Variants in GABRG3 observed in about 807,000 individuals in gnomAD.
GABRG3 encodes gamma-aminobutyric acid type A receptor subunit gamma3, also known as gamma-aminobutyric acid receptor subunit gamma-3.
A neutral mutation model predicts 48.8 loss-of-function variants in GABRG3; 25 were observed. The observed-to-expected ratio is 0.51, with a 90% CI of 0.37 to 0.72. The LOEUF (loss-of-function observed/expected upper bound fraction) is 0.72. Among genes scored for constraint, GABRG3 ranks in the 30% least tolerant of loss-of-function variants. GABRG3 has a pLI of 0.00. For synonymous variants in GABRG3, 227 were observed against 217.6 expected (o/e 1.04, Z -0.38); for missense variants, 394 against 577.9 (o/e 0.68, Z 3.26).
At chr15:27,040,696 G>A (rs918091584) in intron 3 of GABRG3, among the ~76,000 whole-genome samples, 2 of 152,204 alleles carry the variant, frequency 1.3e-5, no homozygotes, top group African/African-American at 4.8e-5. Context: ...AAATGAATTA[G>A]AGTTATCAAA....
intron 3 of GABRG3, among the ~76,000 whole-genome samples, chr15:27,310,926 A>G (rs1215763483): frequency 1.3e-5 from 2 of 152,222 alleles, no homozygotes; most frequent in Non-Finnish European, 2.9e-5. Context: ...TTATGAGAAG[A>G]AAAGAAAACT....
intron 5 of GABRG3, among the ~76,000 whole-genome samples, chr15:27,348,609 G>C (rs929659259): frequency 2.6e-5 from 4 of 152,068 alleles, no homozygotes; most frequent in African/African-American, 7.2e-5. Flanking sequence ...TTTAACCACT[G>C]TACTTTGCCT....
intron 3 of GABRG3, among the ~76,000 whole-genome samples, chr15:27,146,317 T>G (rs1898208634): frequency 6.6e-6 from 1 of 151,884 alleles, no homozygotes; most frequent in Admixed American, 6.6e-5. Context: ...GTTAGCCAGG[T>G]TTGATGGCCG....
intron 3 of GABRG3, among the ~76,000 whole-genome samples, chr15:27,124,765 G>A (rs764799699): frequency 2.1e-4 from 32 of 152,324 alleles, no homozygotes; most frequent in Middle Eastern, 3.4e-3. Context: ...CCAGCTTGTT[G>A]CCTCAGGCAA....
At chr15:27,106,309 T>C (rs902174768) in intron 3 of GABRG3, among the ~76,000 whole-genome samples, 3 of 152,070 alleles carry the variant, frequency 2.0e-5, no homozygotes, top group African/African-American at 4.8e-5. Context: ...CTATGTAAGA[T>C]GATAGATTTG....
chr15:27,306,598 CAT>C lies in GABRG3; in HGVS notation c.271-20208_271-20207del, dbSNP rs200334772. Among the ~76,000 whole-genome samples, 185 of 120,180 alleles carry C rather than the reference CAT, an allele frequency of 1.5e-3. 3 individuals carry two copies. The highest frequency in any genetic ancestry group is 1.8e-3 in the East Asian group (8 of 4,378). 78.8% of individuals were successfully genotyped at this position (120,180 alleles called of 152,430 possible). ...TTTATATATAAACATATAATATAAA[CAT>C]ATGTTTATATATAAACATATATAAT... On this transcript the variant is annotated intron_variant, in intron 3 of 9. Coordinates refer to ENST00000615808, the MANE Select transcript of GABRG3 (RefSeq NM_033223.5).
At chr15:27,363,017 C>G (rs1488465828) in intron 5 of GABRG3, 1 of 152,148 alleles carries the variant, frequency 6.6e-6, no homozygotes, top group African/African-American at 2.4e-5. Context: ...TTTGCAATAA[C>G]TTCAATTTTA....
chr15:27,477,795 CT>C (rs1889985630), intron 5 of GABRG3, among the ~76,000 whole-genome samples: 1 of 152,098 alleles, frequency 6.6e-6, no homozygotes, highest in South Asian at 2.1e-4. Flanking sequence ...AATCCCAGCA[CT>C]TTGGAAGGCC....
rs114261567 is a variant in GABRG3, at chr15:27,148,102, C to T, written c.270+121281C>T. Among the ~76,000 whole-genome samples, 573 of 151,824 alleles carry T rather than the reference C, an allele frequency of 3.8e-3. 2 individuals are homozygous for T. The highest frequency in any genetic ancestry group is 0.013 in the African/African-American group (550 of 41,474). On this transcript the variant is annotated intron_variant, in intron 3 of 9. Transcript: ENST00000615808. ...AGAGAAAAAGAGTAGACGCACATTACTTAATTAGGGAATGAAAGAGGAGAC... is the reference window on the plus strand; with the variant it reads ...AGAGAAAAAGAGTAGACGCACATTATTTAATTAGGGAATGAAAGAGGAGAC...
At chr15:27,439,648 G>A (rs903787750) in intron 5 of GABRG3, among the ~76,000 whole-genome samples, 2 of 152,140 alleles carry the variant, frequency 1.3e-5, no homozygotes, top group African/African-American at 4.8e-5. Context: ...GCAGTCTCTG[G>A]ACCCTCTGCT....
intron 3 of GABRG3, among the ~76,000 whole-genome samples, chr15:27,136,730 C>T (rs1296093010): frequency 1.3e-5 from 2 of 152,098 alleles, no homozygotes; most frequent in Non-Finnish European, 2.9e-5. Flanking sequence ...ACTCCCCATC[C>T]TAGAAAGTAT....
intron 3 of GABRG3, among the ~76,000 whole-genome samples, chr15:27,279,195 T>C (rs1344281841): frequency 2.6e-5 from 4 of 152,224 alleles, no homozygotes; most frequent in Admixed American, 1.3e-4. Flanking sequence ...TGTCAACTAT[T>C]TTCTCTTAGT....
chr15:27,259,411 G>A (rs948282449), intron 3 of GABRG3, among the ~76,000 whole-genome samples: 2 of 152,178 alleles, frequency 1.3e-5, no homozygotes, highest in Non-Finnish European at 2.9e-5. Context: ...TGAGCAGAGC[G>A]GAGGCTTTCT....
intron 5 of GABRG3, among the ~76,000 whole-genome samples, chr15:27,480,077 A>T (rs1279735915): frequency 6.6e-6 from 1 of 152,216 alleles, no homozygotes. Flanking sequence ...GGCAGCAGAA[A>T]CACCAGGCTT....
At chr15:27,306,769 T>TAC (rs1205645755) in intron 3 of GABRG3, among the ~76,000 whole-genome samples, 3 of 111,452 alleles carry the variant, frequency 2.7e-5, no homozygotes, top group Admixed American at 2.1e-4. Context: ...TATATAAACA[T>TAC]ACAATATAAA....
At chr15:27,253,103 G>C (rs780672206) in intron 3 of GABRG3, among the ~76,000 whole-genome samples, 1 of 152,210 alleles carries the variant, frequency 6.6e-6, no homozygotes, top group African/African-American at 2.4e-5. Context: ...ACACGGAACA[G>C]TTCTGGGTGT....
intron 6 of GABRG3, among the ~76,000 whole-genome samples, chr15:27,510,322 T>C (rs1421358251): frequency 2.6e-5 from 3 of 115,798 alleles, no homozygotes; most frequent in African/African-American, 7.8e-5. Flanking sequence ...GCAGATGTAA[T>C]GATGTTGGGC....
In GABRG3 at chr15:27,033,067, C is replaced by T. The variant is rs570468327; in HGVS notation, c.270+6246C>T. Reference sequence around the variant, plus strand: ...TGTACAACTTAGTCAGTAAATGTGTCGAGGAGATAACCAGTATTGGTTGGC... The same window carrying T: ...TGTACAACTTAGTCAGTAAATGTGTTGAGGAGATAACCAGTATTGGTTGGC... On this transcript the variant is annotated intron_variant, in intron 3 of 9. Coordinates refer to ENST00000615808, the MANE Select transcript of GABRG3 (RefSeq NM_033223.5). Among the ~76,000 whole-genome samples the T allele has an allele frequency of 8.5e-5, 13 of 152,276 alleles. No individual in the cohort carries two copies. In the East Asian group the frequency reaches 1.2e-3, roughly 14 times the overall value.
intron 3 of GABRG3, among the ~76,000 whole-genome samples, chr15:27,271,890 A>G (rs984853635): frequency 6.6e-6 from 1 of 152,206 alleles, no homozygotes. Flanking sequence ...GCTTAATTGC[A>G]TAAGTATCCC....
Sources: gnomAD v4.1 joint callset for allele counts (sites outside exome capture counted in the v4.1 genomes callset) on GRCh38, gnomAD v4.1.1 for gene constraint, MANE v1.5 for transcripts, NCBI Gene and HGNC (gene_info 2026-07-23, HGNC 2026-07-21) for gene names.